The following MYOM1 variants were observed in gnomAD, a reference collection of about 807,000 sequenced individuals.
MYOM1 encodes the protein myomesin-1.
MYOM1 carries 164 observed loss-of-function variants against 205.3 expected under a neutral mutation model. The observed-to-expected ratio is 0.80, with a 90% CI of 0.70 to 0.91. The LOEUF is 0.91. MYOM1 is among the 40% of genes least tolerant of loss of function. MYOM1 has a pLI of 0.00. For missense variants in MYOM1, 2,011 were observed against 2,127.3 expected (o/e 0.95, Z 1.08); for synonymous variants, 772 against 789.4 (o/e 0.98, Z 0.37).
chr18:3,104,354 AT>A (rs2079422585), intron 22 of MYOM1, among the ~76,000 whole-genome samples: 2 of 152,180 alleles, frequency 1.3e-5, no homozygotes, highest in Admixed American at 1.3e-4. Context: ...CATAATCTCT[AT>A]TTTGGAAGCA....
chr18:3,208,684 T>C (rs2081155915), intron 2 of MYOM1, among the ~76,000 whole-genome samples: 1 of 152,212 alleles, frequency 6.6e-6, no homozygotes, highest in African/African-American at 2.4e-5. Context: ...GAATATTGTA[T>C]TGATTTTTGT....
chr18:3,229,766 T>C, the MYOM1 span, among the ~76,000 whole-genome samples: 11 of 152,050 alleles, frequency 7.2e-5, no homozygotes, highest in African/African-American at 2.7e-4. Flanking sequence ...GGTCGAGAGT[T>C]CAAGACCAGC....
chr18:3,103,876 AT>A (rs1253913994), intron 22 of MYOM1, among the ~76,000 whole-genome samples: 3 of 152,360 alleles, frequency 2.0e-5, no homozygotes, highest in Admixed American at 2.0e-4. Context: ...ATGGCAGTGT[AT>A]GCTTCAACTA....
At chr18:3,077,256 C>T (rs761646178) in intron 34 of MYOM1, among the ~76,000 whole-genome samples, 54 of 151,966 alleles carry the variant, frequency 3.6e-4, no homozygotes, top group African/African-American at 1.3e-3. Flanking sequence ...TGGGCTCAAT[C>T]GATCCCCCTG....
rs1301224883 is a variant in MYOM1, at chr18:3,116,360, C to T, written c.3274G>A (p.Glu1092Lys). The change falls in exon 21 of 38, where the codon GAG (glutamate) becomes AAG (lysine). Residue 1092 changes from glutamate (E) to lysine (K), a missense_variant. By Grantham distance (56) the Glu-to-Lys change is moderately conservative. Transcript: ENST00000356443. Reference protein sequence around the residue: ...AKEDQWRGLNEAAIKNVYLKV... With the variant: ...AKEDQWRGLNKAAIKNVYLKV... ...AGGTATACGTTTTTAATAGCCGCCT[C>T]ATTGAGCCCTCGCCACTGGTCTTCT... The T allele has an allele frequency of 1.9e-6, 3 of 1,612,338 alleles. No individual in the cohort carries two copies. Among genetic ancestry groups the T allele is most frequent in the Admixed American group, 1.7e-5 (1 of 59,938 alleles).
intron 37 of MYOM1, 90 bp downstream of exon 37, chr18:3,071,744 A>T: frequency 7.9e-7 from 1 of 1,267,490 alleles, no homozygotes; most frequent in Non-Finnish European, 1.1e-6. Flanking sequence ...GTGGGCTGTT[A>T]AGTGTGCCTT....
intron 3 of MYOM1, among the ~76,000 whole-genome samples, chr18:3,193,347 CATATAT>C (rs546949478): frequency 2.6e-4 from 36 of 140,780 alleles, no homozygotes; most frequent in East Asian, 4.1e-4. Flanking sequence ...TGTACATATA[CATATAT>C]ATATATATAC....
chr18:3,069,787 A>G (rs1009530658), intron 37 of MYOM1, among the ~76,000 whole-genome samples: 1 of 152,214 alleles, frequency 6.6e-6, no homozygotes, highest in African/African-American at 2.4e-5. Flanking sequence ...TCCACACTTC[A>G]GATTTGGGTT....
At chr18:3,119,055 A>G (rs116840310) in intron 20 of MYOM1, among the ~76,000 whole-genome samples, 1,864 of 152,090 alleles carry the variant, frequency 0.012, 35 homozygotes, top group African/African-American at 0.042. Context: ...TTTGCATTCA[A>G]TTTTTATTTT....
the MYOM1 span, among the ~76,000 whole-genome samples, chr18:3,225,236 C>G: frequency 2.0e-5 from 3 of 152,048 alleles, no homozygotes; most frequent in Admixed American, 2.0e-4. Flanking sequence ...ATCTGCCCGC[C>G]TTGGCCTCCC....
chr18:3,155,470 C>T (rs553635999), intron 10 of MYOM1, among the ~76,000 whole-genome samples: 28 of 152,300 alleles, frequency 1.8e-4, no homozygotes, highest in East Asian at 1.5e-3. Context: ...GTGATCCGCC[C>T]GCCTCGGCCT....
chr18:3,111,194 AGCT>A, intron 22 of MYOM1, among the ~76,000 whole-genome samples: 1 of 143,214 alleles, frequency 7.0e-6, no homozygotes, highest in South Asian at 2.3e-4. Context: ...CTCCAGCCTC[AGCT>A]GCCCAAAGTG....
intron 19 of MYOM1, among the ~76,000 whole-genome samples, chr18:3,123,984 G>GAGCCACCACTCCTGGC (rs2143851092): frequency 6.6e-6 from 1 of 151,418 alleles, no homozygotes; most frequent in South Asian, 2.1e-4. Flanking sequence ...TTACACATGA[G>GAGCCACCACTCCTGGC]AGCCACCACT....
intron 17 of MYOM1, among the ~76,000 whole-genome samples, chr18:3,130,558 C>T (rs1391547774): frequency 3.3e-5 from 5 of 151,910 alleles, no homozygotes; most frequent in African/African-American, 9.7e-5. Context: ...CTCAAGTGAT[C>T]CACGTGCCTC....
chr18:3,120,739 G>A (rs1439584603), intron 19 of MYOM1, among the ~76,000 whole-genome samples: 1 of 152,178 alleles, frequency 6.6e-6, no homozygotes, highest in Non-Finnish European at 1.5e-5. Context: ...CGAGTTCTAA[G>A]CTAGGAATCA....
intron 14 of MYOM1, among the ~76,000 whole-genome samples, chr18:3,136,156 T>C (rs2079960438): frequency 6.6e-6 from 1 of 151,892 alleles, no homozygotes; most frequent in African/African-American, 2.4e-5. Flanking sequence ...GACGTGCCTT[T>C]CGCCTTCCAC....
intron 2 of MYOM1, among the ~76,000 whole-genome samples, chr18:3,195,541 G>A (rs1180137216): frequency 1.3e-5 from 2 of 152,060 alleles, no homozygotes; most frequent in Non-Finnish European, 2.9e-5. Context: ...ACATACTTAT[G>A]GGGCTTAAGA....
At chr18:3,136,124 T>C (rs2079959083) in intron 14 of MYOM1, among the ~76,000 whole-genome samples, 1 of 115,488 alleles carries the variant, frequency 8.7e-6, no homozygotes, top group African/African-American at 3.7e-5. Context: ...GCTCTCCTTC[T>C]GTCTTGCCTG....
In MYOM1 at chr18:3,187,598, C is replaced by A; in HGVS notation, c.811G>T (p.Asp271Tyr). The change falls in exon 5 of 38, where the codon GAC becomes TAC. Residue 271 changes from aspartate (D) to tyrosine (Y), a missense_variant. Transcript: ENST00000356443. ...TETYHAKLNE[D>Y]HLLHAPEFII... The stretch of plus-strand genomic sequence containing the variant: ...AACTCAGGAGCATGGAGAAGATGGT[C>A]TTCATTCAGCTTGGCATGATATGTC... 2 of 1,612,638 alleles carry A rather than the reference C, an allele frequency of 1.2e-6. No individual in the cohort carries two copies. The highest frequency in any genetic ancestry group is 1.7e-6 in the Non-Finnish European group (2 of 1,178,936).
Sources: gnomAD v4.1 joint callset for allele counts (sites outside exome capture counted in the v4.1 genomes callset) on GRCh38, gnomAD v4.1.1 for gene constraint, MANE v1.5 for transcripts, NCBI Gene and HGNC (gene_info 2026-07-23, HGNC 2026-07-21) for gene names.